SLC24A2: variants seen among roughly 807,000 people sequenced by gnomAD.
SLC24A2 encodes sodium/potassium/calcium exchanger 2.
Under a neutral mutation model 62.0 loss-of-function variants are expected in SLC24A2, and 36 were observed. The observed-to-expected ratio is 0.58, with a 90% confidence interval of 0.44 to 0.77. The LOEUF is 0.77. SLC24A2 is among the 30% of genes least tolerant of loss of function. The pLI is 0.00. For synonymous variants in SLC24A2, 358 were observed against 294.0 expected (o/e 1.22, Z -2.23); for missense variants, 846 against 817.9 (o/e 1.03, Z -0.42).
the SLC24A2 span, among the ~76,000 whole-genome samples, chr9:19,833,442 C>T: frequency 0.01 from 1,582 of 152,320 alleles, 14 homozygotes; most frequent in Non-Finnish European, 0.014. Context: ...CTGCACCTGG[C>T]TCGGAGGGTC....
the SLC24A2 span, among the ~76,000 whole-genome samples, chr9:20,246,008 C>T: frequency 3.3e-5 from 5 of 152,022 alleles, no homozygotes; most frequent in African/African-American, 9.7e-5. Flanking sequence ...GTCCAACGTC[C>T]CCAAAACTCT....
At chr9:19,838,505 A>G in the SLC24A2 span, among the ~76,000 whole-genome samples, 1 of 151,496 alleles carries the variant, frequency 6.6e-6, no homozygotes, top group Non-Finnish European at 1.5e-5. Flanking sequence ...AGGGTGTGGT[A>G]GCACACGCCT....
chr9:19,995,267 T>G, the SLC24A2 span, among the ~76,000 whole-genome samples: 2 of 152,230 alleles, frequency 1.3e-5, no homozygotes, highest in African/African-American at 2.4e-5. Context: ...ATTAATCAAT[T>G]CAACATTAAA....
chr9:20,115,052 A>T, the SLC24A2 span, among the ~76,000 whole-genome samples: 6 of 152,198 alleles, frequency 3.9e-5, no homozygotes, highest in Non-Finnish European at 7.4e-5. Context: ...GGGAAATTTT[A>T]GAGGAAGAAT....
At chr9:20,278,089 G>T in the SLC24A2 span, among the ~76,000 whole-genome samples, 1 of 152,078 alleles carries the variant, frequency 6.6e-6, no homozygotes, top group East Asian at 1.9e-4. Context: ...TCTGTCGTGG[G>T]GTTGGGGGAG....
chr9:20,046,397 A>C, the SLC24A2 span, among the ~76,000 whole-genome samples: 11 of 152,378 alleles, frequency 7.2e-5, no homozygotes, highest in South Asian at 2.3e-3. Context: ...TTAGGCAGAC[A>C]ATGCCCAACC....
At chr9:20,269,596 T>A in the SLC24A2 span, among the ~76,000 whole-genome samples, 1 of 152,166 alleles carries the variant, frequency 6.6e-6, no homozygotes, top group African/African-American at 2.4e-5. Flanking sequence ...ATAGCAGATG[T>A]CCTTTAATAT....
chr9:19,830,033 G>A, the SLC24A2 span, among the ~76,000 whole-genome samples: 1 of 151,722 alleles, frequency 6.6e-6, no homozygotes. Context: ...TGGCTCCCTT[G>A]GCCACCCAAG....
At chr9:20,294,632 A>T in the SLC24A2 span, among the ~76,000 whole-genome samples, 1 of 152,218 alleles carries the variant, frequency 6.6e-6, no homozygotes, top group African/African-American at 2.4e-5. Flanking sequence ...TCTTTTAAAG[A>T]CATCAGAAAT....
chr9:19,599,618 A>G lies in SLC24A2; in HGVS notation c.1079-2339T>C, dbSNP rs1045658937. Among the ~76,000 whole-genome samples the G allele has an allele frequency of 2.0e-5, 3 of 152,304 alleles. No homozygotes were observed. Among genetic ancestry groups the G allele is most frequent in the Admixed American group, 2.0e-4 (3 of 15,302 alleles). On this transcript the variant is annotated intron_variant, in intron 4 of 10. Coordinates refer to ENST00000341998, the MANE Select transcript of SLC24A2 (RefSeq NM_020344.4). This position sits in a 1 kb window ranked among gnomAD's most constrained non-coding sequence, Gnocchi z 4.5. ...TGGTGAACTCAGCAGCAGCATCCTAAGGAGGATTGGGCAGCATCTCCAGGA... is the reference window on the plus strand; with the variant it reads ...TGGTGAACTCAGCAGCAGCATCCTAGGGAGGATTGGGCAGCATCTCCAGGA...
chr9:19,919,581 A>G, the SLC24A2 span, among the ~76,000 whole-genome samples: 2 of 152,230 alleles, frequency 1.3e-5, no homozygotes, highest in African/African-American at 4.8e-5. Context: ...TTTTTTTCCA[A>G]AAAAGTCTGT....
chr9:20,199,797 C>T, the SLC24A2 span, among the ~76,000 whole-genome samples: 1 of 151,132 alleles, frequency 6.6e-6, no homozygotes, highest in Non-Finnish European at 1.5e-5. Context: ...CAGCTCACTG[C>T]AACCTCTGCC....
intron 8 of SLC24A2, among the ~76,000 whole-genome samples, chr9:19,532,670 C>T (rs371178668): frequency 3.9e-4 from 60 of 152,290 alleles, no homozygotes; most frequent in African/African-American, 1.2e-3. Flanking sequence ...CTTGGCTTTG[C>T]GTCTTTCTAG....
At chr9:19,776,108 T>C (rs1396111940) in intron 2 of SLC24A2, among the ~76,000 whole-genome samples, 1 of 152,176 alleles carries the variant, frequency 6.6e-6, no homozygotes, top group African/African-American at 2.4e-5. Context: ...CACATACATA[T>C]TGGGTTGAGA....
Position 19,514,308 on chromosome 9 carries a change from G to GT in SLC24A2, c.*1844_*1845insA, listed in dbSNP as rs1832845658. 1 of 152,118 alleles carries GT rather than the reference G, an allele frequency of 6.6e-6. No individual in the cohort carries two copies. Among genetic ancestry groups the GT allele is most frequent in the Non-Finnish European group, 1.5e-5 (1 of 68,034 alleles). 9.4% of individuals were successfully genotyped at this position (152,118 alleles called of 1,614,324 possible). A position where few individuals can be genotyped will look rare whatever the true frequency, so the allele number is the denominator to read the frequency against. On this transcript the variant is annotated 3_prime_UTR_variant, in exon 11 of 11. Coordinates refer to ENST00000341998, the MANE Select transcript of SLC24A2 (RefSeq NM_020344.4). ...GGTATGTGCTCACAACAAAATCATA[G>GT]CAGGCGTCAATGACAGAATAGATTG...
the SLC24A2 span, among the ~76,000 whole-genome samples, chr9:20,245,961 A>G: frequency 3.9e-5 from 6 of 152,198 alleles, no homozygotes; most frequent in Admixed American, 2.6e-4. Context: ...AAGGTCACCA[A>G]TTAGTATAAG....
At chr9:20,215,813 G>A in the SLC24A2 span, among the ~76,000 whole-genome samples, 1 of 151,662 alleles carries the variant, frequency 6.6e-6, no homozygotes, top group East Asian at 1.9e-4. Context: ...ATTACTCCTG[G>A]CTCCAGCCAC....
rs1252905434 is a variant in SLC24A2, at chr9:19,515,648, A to C, written c.*505T>G. On this transcript the variant is annotated 3_prime_UTR_variant, in exon 11 of 11. Transcript: ENST00000341998. Reference sequence around the variant, plus strand: ...CAAATAAGTACTATAAATATACTAGAGCTATCCCTGAAAAGATGCATTTGT... The same window carrying C: ...CAAATAAGTACTATAAATATACTAGCGCTATCCCTGAAAAGATGCATTTGT... 6.6e-6 allele frequency: 1 copy of C among 152,302 alleles called. No individual in the cohort carries two copies. The highest frequency in any genetic ancestry group is 1.5e-5 in the Non-Finnish European group (1 of 68,256). 9.4% of individuals were successfully genotyped at this position (152,302 alleles called of 1,614,324 possible). A position where few individuals can be genotyped will look rare whatever the true frequency, so the allele number is the denominator to read the frequency against.
the SLC24A2 span, among the ~76,000 whole-genome samples, chr9:19,961,428 T>C: frequency 6.6e-6 from 1 of 152,180 alleles, no homozygotes; most frequent in Non-Finnish European, 1.5e-5. Context: ...CTTTTTTTTC[T>C]TTCCAATAAG....
Sources: gnomAD v4.1 joint callset for allele counts (sites outside exome capture counted in the v4.1 genomes callset) on GRCh38, gnomAD v4.1.1 for gene constraint, Gnocchi (gnomAD v3.1) non-coding constraint, MANE v1.5 for transcripts, NCBI Gene and HGNC (gene_info 2026-07-23, HGNC 2026-07-21) for gene names.